KCNMA1: variants seen among roughly 807,000 people sequenced by gnomAD.
KCNMA1 encodes the protein potassium calcium-activated channel subfamily M alpha 1.
Under a neutral mutation model 140.0 loss-of-function variants are expected in KCNMA1, and 29 were observed. The ratio of observed to expected loss-of-function variants is 0.21; its 90% CI spans 0.15 to 0.28. The LOEUF (loss-of-function observed/expected upper bound fraction) is 0.28, where lower values mean the gene tolerates loss of function less well. Ranked by LOEUF, KCNMA1 falls within the 10% of genes least tolerant of loss-of-function variation. KCNMA1 has a pLI of 1.00. For missense variants in KCNMA1, 880 were observed against 1,602.2 expected (o/e 0.55, Z 7.70); for synonymous variants, 612 against 611.9 (o/e 1.00, Z 0.00).
At chr10:77,287,306 G>C (rs917668872) in intron 2 of KCNMA1, among the ~76,000 whole-genome samples, 1 of 152,224 alleles carries the variant, frequency 6.6e-6, no homozygotes, top group African/African-American at 2.4e-5. Context: ...TTCAGAAGCA[G>C]TACGTCACTG....
At chr10:77,608,980 GT>G (rs2085641855) in intron 1 of KCNMA1, among the ~76,000 whole-genome samples, 1 of 152,180 alleles carries the variant, frequency 6.6e-6, no homozygotes, top group Non-Finnish European at 1.5e-5. Context: ...AGAGAACCCT[GT>G]TACACTGTTG....
At chr10:76,928,355 T>C (rs1041178368) in intron 23 of KCNMA1, among the ~76,000 whole-genome samples, 1 of 151,736 alleles carries the variant, frequency 6.6e-6, no homozygotes, top group Non-Finnish European at 1.5e-5. Flanking sequence ...AAGAAATATA[T>C]TCCAGGGAAG....
intron 2 of KCNMA1, among the ~76,000 whole-genome samples, chr10:77,269,019 C>T (rs749143301): frequency 4.6e-5 from 7 of 152,170 alleles, no homozygotes; most frequent in Non-Finnish European, 7.3e-5. Context: ...TTGATATAAG[C>T]TGCTTTCCCA....
At chr10:77,332,773 A>G (rs1272580267) in intron 2 of KCNMA1, among the ~76,000 whole-genome samples, 4 of 152,232 alleles carry the variant, frequency 2.6e-5, no homozygotes, top group African/African-American at 9.6e-5. Context: ...ACAGAACCAC[A>G]GAAGTACACA....
intron 2 of KCNMA1, among the ~76,000 whole-genome samples, chr10:77,275,443 C>T (rs1277380583): frequency 2.0e-5 from 3 of 152,154 alleles, no homozygotes; most frequent in Admixed American, 6.5e-5. Context: ...GTCACCTAGT[C>T]GTAAGCCTGT....
intron 25 of KCNMA1, chr10:76,904,846 A>G (rs1456108535): frequency 1.3e-5 from 2 of 152,462 alleles, no homozygotes; most frequent in African/African-American, 4.8e-5. Context: ...ATGCAGACAC[A>G]TAAGATTAGA....
At chr10:77,529,234 C>CT (rs200612362) in intron 1 of KCNMA1, among the ~76,000 whole-genome samples, 5 of 125,182 alleles carry the variant, frequency 4.0e-5, no homozygotes, top group African/African-American at 1.4e-4. Flanking sequence ...GCCCTCCCCT[C>CT]TTTTTCCCCC....
In KCNMA1 at chr10:76,977,786, G is replaced by A. The variant is rs151030694; in HGVS notation, c.2267-7719C>T. The A allele has an allele frequency of 6.2e-5, 37 of 600,138 alleles. No homozygotes were observed. In the East Asian group the frequency reaches 9.2e-4, roughly 15 times the overall value. The allele number at this position is 600,138 out of a possible 1,614,324, so 37.2% of individuals were successfully genotyped here. On this transcript the variant is annotated intron_variant, in intron 19 of 27. Coordinates refer to ENST00000286628, the MANE Select transcript of KCNMA1 (RefSeq NM_001161352.2). ...CTATTAGCCCTGCTGGTCCGCTCGTGTTTGAGGTCATGAGTCAGGTGAGTT... is the reference window on the plus strand; with the variant it reads ...CTATTAGCCCTGCTGGTCCGCTCGTATTTGAGGTCATGAGTCAGGTGAGTT...
At chr10:77,537,844 T>C (rs910470769) in intron 1 of KCNMA1, among the ~76,000 whole-genome samples, 1 of 152,040 alleles carries the variant, frequency 6.6e-6, no homozygotes, top group African/African-American at 2.4e-5. Context: ...CCGGCGCACA[T>C]TCTTCCTGGC....
At chr10:77,502,697 C>T (rs2154545554) in intron 1 of KCNMA1, among the ~76,000 whole-genome samples, 1 of 152,202 alleles carries the variant, frequency 6.6e-6, no homozygotes, top group Non-Finnish European at 1.5e-5. Context: ...TACCACTCAC[C>T]CACCCTTTGT....
intron 14 of KCNMA1, among the ~76,000 whole-genome samples, chr10:77,047,874 A>T (rs2095163495): frequency 6.6e-6 from 1 of 152,180 alleles, no homozygotes; most frequent in South Asian, 2.1e-4. Flanking sequence ...AACCAACCCC[A>T]GAATAGTTCA....
chr10:77,609,608 T>C (rs1567850535), intron 1 of KCNMA1, among the ~76,000 whole-genome samples: 1 of 152,138 alleles, frequency 6.6e-6, no homozygotes, highest in Non-Finnish European at 1.5e-5. Context: ...CCACAAAAAA[T>C]AGGTATATGA....
chr10:76,972,449 T>C (rs72803379), intron 19 of KCNMA1, among the ~76,000 whole-genome samples: 1 of 152,302 alleles, frequency 6.6e-6, no homozygotes, highest in Non-Finnish European at 1.5e-5. Flanking sequence ...CTTTTTGCAT[T>C]GGGCCTATAA....
At chr10:77,394,810 C>T (rs1056949607) in intron 2 of KCNMA1, among the ~76,000 whole-genome samples, 15 of 152,154 alleles carry the variant, frequency 9.9e-5, no homozygotes, top group Admixed American at 7.2e-4. Context: ...TATTGACAGG[C>T]ATACAGGGAG....
At chr10:76,883,104 G>A (rs2035322569), downstream of KCNMA1, among the ~76,000 whole-genome samples, 1 of 152,158 alleles carries the variant, frequency 6.6e-6, no homozygotes. Context: ...TGATGATGCT[G>A]CCAAGAGGCA....
In KCNMA1 at chr10:76,953,722, C is replaced by T; in HGVS notation, c.2484+79G>A. On this transcript the variant is annotated intron_variant, in intron 21 of 27. Coordinates refer to ENST00000286628, the MANE Select transcript of KCNMA1 (RefSeq NM_001161352.2). Reference sequence around the variant, plus strand: ...CCAGGGACAGTATTATCCCACTGTCCAACTAGGGAAACCCCATTCCTAGCA... The same window carrying T: ...CCAGGGACAGTATTATCCCACTGTCTAACTAGGGAAACCCCATTCCTAGCA... 4 of 1,579,712 alleles carry T rather than the reference C, an allele frequency of 2.5e-6. No homozygotes were observed. In the East Asian group the frequency reaches 6.7e-5, roughly 27 times the overall value.
Position 77,453,610 on chromosome 10 carries a change from G to A in KCNMA1, c.379-49587C>T, listed in dbSNP as rs376043259. Among the ~76,000 whole-genome samples the A allele has an allele frequency of 7.2e-5, 11 of 152,154 alleles. No homozygotes were observed. The East Asian group carries it at 9.6e-4, about 13-fold the overall frequency. The stretch of plus-strand genomic sequence containing the variant: ...AGCGTCCAAGTCACAGCAGAAAGAA[G>A]GAGGACCCCAGCAGGGCCCAGATGT... On this transcript the variant is annotated intron_variant, in intron 1 of 27. Transcript: ENST00000286628.
At chr10:77,286,573 C>T (rs1200833716) in intron 2 of KCNMA1, among the ~76,000 whole-genome samples, 2 of 152,078 alleles carry the variant, frequency 1.3e-5, no homozygotes, top group East Asian at 1.9e-4. Flanking sequence ...TCTGTGATAC[C>T]TAAGAATACT....
chr10:77,300,580 C>T (rs1451366672), intron 2 of KCNMA1, among the ~76,000 whole-genome samples: 2 of 152,192 alleles, frequency 1.3e-5, no homozygotes, highest in East Asian at 3.8e-4. Flanking sequence ...AGAGTTTTCT[C>T]CCACCGCATC....
Sources: gnomAD v4.1 joint callset for allele counts (sites outside exome capture counted in the v4.1 genomes callset) on GRCh38, gnomAD v4.1.1 for gene constraint, MANE v1.5 for transcripts, NCBI Gene and HGNC (gene_info 2026-07-23, HGNC 2026-07-21) for gene names.